TNK2: variants seen among roughly 807,000 people sequenced by gnomAD.
TNK2 encodes tyrosine kinase non receptor 2, also known as activated CDC42 kinase 1.
A neutral mutation model predicts 101.8 loss-of-function variants in TNK2; 83 were observed. The ratio of observed to expected loss-of-function variants is 0.82; its 90% CI spans 0.68 to 0.98. TNK2 has a LOEUF of 0.98. Among genes scored for constraint, TNK2 ranks in the 50% least tolerant of loss-of-function variants. TNK2 has a pLI of 0.00. For synonymous variants in TNK2, 804 were observed against 633.0 expected (o/e 1.27, Z -4.06); for missense variants, 1,665 against 1,483.2 (o/e 1.12, Z -2.01).
chr3:195,907,223 C>G (rs1474786300), intron 1 of TNK2, among the ~76,000 whole-genome samples: 1 of 152,212 alleles, frequency 6.6e-6, no homozygotes, highest in African/African-American at 2.4e-5. Flanking sequence ...GCGTCAGGCA[C>G]CGTGGGCACA....
In TNK2 at chr3:195,869,549, A is replaced by C. The variant is rs1295342379; in HGVS notation, c.1544-8T>G. 1.9e-6 allele frequency: 3 copies of C among 1,551,116 alleles called. No homozygotes were observed. The highest frequency in any genetic ancestry group is 2.6e-6 in the Non-Finnish European group (3 of 1,146,940). On this transcript the variant is annotated splice_polypyrimidine_tract_variant and splice_region_variant and intron_variant, in intron 11 of 15. Coordinates refer to ENST00000672887, the MANE Select transcript of TNK2 (RefSeq NM_001382273.1). ...GGCGAGGTGGAGGCTCCCCTGCAAGAAAGGCCATGCGGACAGGGGGAGAGA... is the reference window on the plus strand; with the variant it reads ...GGCGAGGTGGAGGCTCCCCTGCAAGCAAGGCCATGCGGACAGGGGGAGAGA...
chr3:195,883,622 AT>A (rs900409641), intron 4 of TNK2: 2,571 of 223,882 alleles, frequency 0.011, 9 homozygotes, highest in African/African-American at 0.022. Flanking sequence ...ATAAAATGGA[AT>A]TTTTTTTTTT....
At chr3:195,905,982 G>A (rs967198300) in intron 1 of TNK2, among the ~76,000 whole-genome samples, 2 of 152,048 alleles carry the variant, frequency 1.3e-5, no homozygotes, top group African/African-American at 4.8e-5. Context: ...AACTCAACAC[G>A]AAAAACCCTA....
At chr3:195,889,998 C>T (rs938141284) in intron 1 of TNK2, among the ~76,000 whole-genome samples, 1 of 152,270 alleles carries the variant, frequency 6.6e-6, no homozygotes, top group Non-Finnish European at 1.5e-5. Context: ...CTGGGCCCAG[C>T]GTGAGCCTCC....
In TNK2 at chr3:195,882,553, A is replaced by G; in HGVS notation, c.610-225T>C. ...CTAGAGAGAAGGAGCCCAAAGAGGC[A>G]GTGGCTAGAAATTCCAAAACTCAGC... On this transcript the variant is annotated intron_variant, in intron 5 of 15. Coordinates refer to ENST00000672887, the MANE Select transcript of TNK2 (RefSeq NM_001382273.1). This position sits in a 1 kb window ranked among gnomAD's most constrained non-coding sequence, Gnocchi z 4.2. The G allele has an allele frequency of 6.6e-7, 1 of 1,522,790 alleles. No homozygotes were observed. The highest frequency in any genetic ancestry group is 8.8e-7 in the Non-Finnish European group (1 of 1,138,918). The allele number at this position is 1,522,790 out of a possible 1,614,324, so 94.3% of individuals were successfully genotyped here.
At position 195,885,630 on chromosome 3, in the gene TNK2, G is replaced by A; in HGVS notation, c.235-597C>T. ...ATGAAGCTAGTCCTTGCTGGGAAGG[G>A]GCCTGGGAAGACAGCTGGGTCTCTG... On this transcript the variant is annotated intron_variant, in intron 3 of 15. Coordinates refer to ENST00000672887, the MANE Select transcript of TNK2 (RefSeq NM_001382273.1). This position sits in a 1 kb window ranked among gnomAD's most constrained non-coding sequence, Gnocchi z 4.7. 2 of 1,275,274 alleles carry A rather than the reference G, an allele frequency of 1.6e-6. No homozygotes were observed. The highest frequency in any genetic ancestry group is 1.2e-5 in the South Asian group (1 of 80,682). 79.0% of individuals were successfully genotyped at this position (1,275,274 alleles called of 1,614,324 possible). A position where few individuals can be genotyped will look rare whatever the true frequency, so the allele number is the denominator to read the frequency against.
Position 195,868,487 on chromosome 3 carries a change from AGGGAGGGCGCGCAGGGCCGTAGGGCCG to A in TNK2, c.1784_1810del (p.Pro595_Ser603del). 1 of 1,550,268 alleles carries A rather than the reference AGGGAGGGCGCGCAGGGCCGTAGGGCCG, an allele frequency of 6.5e-7. No homozygotes were observed. The highest frequency in any genetic ancestry group is 2.3e-5 in the East Asian group (1 of 43,262). ...GCAGGCGTCCATGGCCAGCTGCGCC[AGGGAGGGCGCGCAGGGCCGTAGGGCCG>A]GGACCACGGGCTCCTCACCGAAGTC... On this transcript the variant is annotated inframe_deletion, in exon 13 of 16. Coordinates refer to ENST00000672887, the MANE Select transcript of TNK2 (RefSeq NM_001382273.1).
chr3:195,886,697 T>C lies in TNK2; in HGVS notation c.234+280A>G, dbSNP rs1235802563. 1.3e-5 allele frequency among the ~76,000 whole-genome samples: 2 copies of C among 152,148 alleles called. No individual in the cohort carries two copies. Among genetic ancestry groups the C allele is most frequent in the Non-Finnish European group, 2.9e-5 (2 of 68,030 alleles). ...GCAGGGCTAAGTTAAGGCACACTTG[T>C]CAATGAGGTCCTGTTCCAGGCGTGC... On this transcript the variant is annotated intron_variant, in intron 3 of 15. Transcript: ENST00000672887. This position sits in a 1 kb window ranked among gnomAD's most constrained non-coding sequence, Gnocchi z 4.2.
At chr3:195,905,957 T>A (rs1022355595) in intron 1 of TNK2, among the ~76,000 whole-genome samples, 1 of 152,134 alleles carries the variant, frequency 6.6e-6, no homozygotes, top group Non-Finnish European at 1.5e-5. Flanking sequence ...CCAGAATATA[T>A]CAAGAACTCT....
Position 195,869,607 on chromosome 3 carries a change from C to T in TNK2, c.1544-66G>A, listed in dbSNP as rs375511518. The T allele has an allele frequency of 1.0e-4, 155 of 1,486,546 alleles. No homozygotes were observed. The Middle Eastern group carries it at 1.7e-3, about 16-fold the overall frequency. 92.1% of individuals were successfully genotyped at this position (1,486,546 alleles called of 1,614,324 possible). ...CAGGACAGAGGACAAAGGAGGGAGA[C>T]GGCCGGACGAGAGGGCAGAGTGTAG... On this transcript the variant is annotated intron_variant, in intron 11 of 15. Coordinates refer to ENST00000672887, the MANE Select transcript of TNK2 (RefSeq NM_001382273.1).
chr3:195,867,113 A>C (rs1576981517), intron 14 of TNK2, 56 bp downstream of exon 14: 2 of 1,608,130 alleles, frequency 1.2e-6, no homozygotes, highest in East Asian at 4.5e-5. Context: ...GGCTGGGGGC[A>C]GCAGAACCAG....
intron 9 of TNK2, 36 bp from the exon 10 acceptor site, chr3:195,872,506 T>C (rs1553907152): frequency 6.5e-7 from 1 of 1,548,396 alleles, no homozygotes; most frequent in African/African-American, 1.4e-5. Context: ...ACGCCAGGCG[T>C]GGCGGGGCAG....
intron 1 of TNK2, among the ~76,000 whole-genome samples, chr3:195,900,912 G>C (rs868117351): frequency 6.6e-6 from 1 of 152,216 alleles, no homozygotes; most frequent in Non-Finnish European, 1.5e-5. Flanking sequence ...CAAGCCCTAC[G>C]CAAGAGTCCA....
intron 12 of TNK2, 56 bp downstream of exon 12, chr3:195,869,441 A>AGT: frequency 8.1e-7 from 1 of 1,234,666 alleles, no homozygotes; most frequent in East Asian, 4.1e-5. Flanking sequence ...CCAGGAGAGG[A>AGT]GTGAGAGAGA....
intron 9 of TNK2, among the ~76,000 whole-genome samples, chr3:195,873,329 C>T (rs150556045): frequency 1.8e-4 from 27 of 152,358 alleles, no homozygotes; most frequent in African/African-American, 5.0e-4. Flanking sequence ...CCGCAAGACA[C>T]TCCTGACTCC....
chr3:195,864,573 A>C (rs1739305509), intron 15 of TNK2, among the ~76,000 whole-genome samples: 1 of 147,982 alleles, frequency 6.8e-6, no homozygotes, highest in African/African-American at 2.5e-5. Context: ...TCCTAGATGC[A>C]AATCAGTAAG....
chr3:195,874,577 G>A (rs11714769), intron 9 of TNK2, among the ~76,000 whole-genome samples: 7,453 of 92,078 alleles, frequency 0.081, 444 homozygotes, highest in African/African-American at 0.19. Context: ...GGCACAAGAA[G>A]CTCCCCCTCG....
chr3:195,867,734 GCCCGCGGGCCAGGGGC>G lies in TNK2; in HGVS notation c.2548_2563del (p.Ala850LeufsTer133), dbSNP rs761836808. 2.5e-6 allele frequency: 4 copies of G among 1,602,550 alleles called. No individual in the cohort carries two copies. In the African/African-American group the frequency reaches 5.4e-5, roughly 22 times the overall value. On this transcript the variant is annotated frameshift_variant, in exon 13 of 16. Transcript: ENST00000672887. LOFTEE classifies it high-confidence loss of function. ...GACGATGGGCAGGATGCAGGGACCA[GCCCGCGGGCCAGGGGC>G]CTGGATCACCTGGGGGGTGGCGTAC...
chr3:195,870,688 CAACT>C (rs565652896), intron 10 of TNK2, among the ~76,000 whole-genome samples: 108 of 152,378 alleles, frequency 7.1e-4, no homozygotes, highest in Non-Finnish European at 6.2e-4. Context: ...GTCCCTGCAC[CAACT>C]GTCAGTATCT....
Sources: allele counts gnomAD v4.1 joint callset (sites outside exome capture counted in the v4.1 genomes callset), GRCh38; gene constraint gnomAD v4.1.1; non-coding constraint Gnocchi (gnomAD v3.1); transcripts MANE v1.5; gene names NCBI Gene and HGNC (gene_info 2026-07-23, HGNC 2026-07-21).